The following LAD1 variants were observed in gnomAD, a reference collection of about 807,000 sequenced individuals.
The protein encoded by LAD1 is ladinin-1.
Under a neutral mutation model 54.2 loss-of-function variants are expected in LAD1, and 53 were observed. That is an observed-to-expected ratio of 0.98 (90% CI 0.78 to 1.23). The LOEUF (loss-of-function observed/expected upper bound fraction) is 1.23. LAD1 is among the 50% of genes most tolerant of loss of function. LAD1 has a pLI of 0.00. For missense variants in LAD1, 637 were observed against 653.3 expected (o/e 0.98, Z 0.27); for synonymous variants, 231 against 257.7 (o/e 0.90, Z 0.99).
Position 201,381,735 on chromosome 1 carries a change from A to T in LAD1, c.*153T>A, listed in dbSNP as rs1661964349. ...AAGGAGCTGGCTGAGTCTTGCAAAT[A>T]TTCCTGACCCCAGGGACCCTGGCCA... On this transcript the variant is annotated 3_prime_UTR_variant, in exon 10 of 10. Coordinates refer to ENST00000391967, the MANE Select transcript of LAD1 (RefSeq NM_005558.4). 1 of 844,922 alleles carries T rather than the reference A, an allele frequency of 1.2e-6. No individual in the cohort carries two copies. Among genetic ancestry groups the T allele is most frequent in the Non-Finnish European group, 2.0e-6 (1 of 496,194 alleles). The allele number at this position is 844,922 out of a possible 1,614,324, so 52.3% of individuals were successfully genotyped here. A position where few individuals can be genotyped will look rare whatever the true frequency, so the allele number is the denominator to read the frequency against.
chr1:201,387,102 T>G lies in LAD1; in HGVS notation c.259A>C (p.Ser87Arg), dbSNP rs759609920. The change falls in exon 3 of 10, where the codon AGC (serine) becomes CGC (arginine). Residue 87 changes from serine (S) to arginine (R), a missense_variant. Physicochemically the swap from Ser to Arg is moderately radical, Grantham distance 110. Transcript: ENST00000391967. ...ASKDEDEDIQ[S>R]ILRTRQERRQ... The stretch of plus-strand genomic sequence containing the variant: ...CGCTCCTGCCGTGTTCTGAGGATGC[T>G]CTGGATGTCCTCGTCCTCATCTTTG... 3 of 1,601,118 alleles carry G rather than the reference T, an allele frequency of 1.9e-6. No individual in the cohort carries two copies. Among genetic ancestry groups the G allele is most frequent in the Admixed American group, 1.7e-5 (1 of 58,068 alleles).
intron 2 of LAD1, 128 bp from the exon 3 acceptor site, chr1:201,387,306 G>T: frequency 2.2e-6 from 2 of 923,614 alleles, no homozygotes; most frequent in Non-Finnish European, 3.0e-6. Context: ...TGGCCTCCCC[G>T]GCTCACCACC....
chr1:201,395,362 A>T (rs951070886), intron 1 of LAD1, among the ~76,000 whole-genome samples: 1 of 152,240 alleles, frequency 6.6e-6, no homozygotes, highest in African/African-American at 2.4e-5. Context: ...CTTCTTGAAC[A>T]TGGTGAATAA....
At chr1:201,393,644 G>A (rs1662234472) in intron 1 of LAD1, among the ~76,000 whole-genome samples, 1 of 151,732 alleles carries the variant, frequency 6.6e-6, no homozygotes, top group African/African-American at 2.4e-5. Flanking sequence ...CACTTGGGAG[G>A]CTGAGGCAAG....
intron 2 of LAD1, among the ~76,000 whole-genome samples, chr1:201,387,791 G>T (rs1179044751): frequency 6.6e-6 from 1 of 152,176 alleles, no homozygotes; most frequent in Non-Finnish European, 1.5e-5. Flanking sequence ...CCTTCTTGGG[G>T]GACCCAAAGA....
chr1:201,399,199 G>A, intron 1 of LAD1, 70 bp downstream of exon 1: 1 of 1,263,088 alleles, frequency 7.9e-7, no homozygotes, highest in Non-Finnish European at 1.1e-6. Flanking sequence ...GGAGGCCGGT[G>A]CCCCGAGGAG....
At chr1:201,381,979 T>G in intron 9 of LAD1, 86 bp from the exon 10 acceptor site, 2 of 1,436,306 alleles carry the variant, frequency 1.4e-6, no homozygotes, top group Non-Finnish European at 1.9e-6. Flanking sequence ...AGGCATCCCT[T>G]TGCCCAAGCC....
chr1:201,389,336 G>C (rs745417246), intron 1 of LAD1, 33 bp from the exon 2 acceptor site: 3 of 1,600,480 alleles, frequency 1.9e-6, no homozygotes, highest in Admixed American at 3.3e-5. Flanking sequence ...CAGCACAGCT[G>C]GGGAAACCCA....
intron 9 of LAD1, 28 bp from the exon 10 acceptor site, chr1:201,381,921 G>A: frequency 6.2e-7 from 1 of 1,612,052 alleles, no homozygotes; most frequent in Non-Finnish European, 8.5e-7. Context: ...GTTAGCACAA[G>A]TCAATGGGGT....
In LAD1 at chr1:201,380,886, G is replaced by A. The variant is rs921875407; in HGVS notation, c.*1002C>T. The A allele has an allele frequency of 6.6e-6, 1 of 152,064 alleles. No homozygotes were observed. Among genetic ancestry groups the A allele is most frequent in the African/African-American group, 2.4e-5 (1 of 41,382 alleles). 9.4% of individuals were successfully genotyped at this position (152,064 alleles called of 1,614,324 possible). On this transcript the variant is annotated 3_prime_UTR_variant, in exon 10 of 10. Transcript: ENST00000391967. Reference sequence around the variant, plus strand: ...AAGTTGTAAACCACAGCTTTAAGGGGTTAACAGGGCACCAGGCTGATGTTC... The same window carrying A: ...AAGTTGTAAACCACAGCTTTAAGGGATTAACAGGGCACCAGGCTGATGTTC...
chr1:201,397,631 TGAAGAA>T (rs1427070749), intron 1 of LAD1, among the ~76,000 whole-genome samples: 1 of 151,892 alleles, frequency 6.6e-6, no homozygotes, highest in African/African-American at 2.4e-5. Context: ...TATGAACTTC[TGAAGAA>T]GGAGTGTCTG....
chr1:201,386,226 G>T, intron 3 of LAD1, 109 bp downstream of exon 3: 1 of 1,113,676 alleles, frequency 9.0e-7, no homozygotes, highest in African/African-American at 1.6e-5. Flanking sequence ...CAGCCTGCAG[G>T]TAGGAGGATG....
In LAD1 at chr1:201,386,955, T is replaced by C. The variant is rs1662103729; in HGVS notation, c.406A>G (p.Lys136Glu). Residue 136 changes from lysine (K) to glutamate (E), a missense_variant, in exon 3 of 10, where the codon AAG (lysine) becomes GAG (glutamate). Lys to Glu is a moderately conservative substitution (Grantham distance 56). Transcript: ENST00000391967. ...QATQKPLVSK[K>E]ELEIPPRRRL... ...CGGCGAGGTGGGATTTCCAGTTCCT[T>C]CTTGGAGACTAGGGGTTTCTGTGTG... is the stretch of plus-strand genomic sequence containing the variant. 1 of 1,610,914 alleles carries C rather than the reference T, an allele frequency of 6.2e-7. No individual in the cohort carries two copies. Among genetic ancestry groups the C allele is most frequent in the East Asian group, 2.2e-5 (1 of 44,858 alleles).
intron 5 of LAD1, 63 bp from the exon 6 acceptor site, chr1:201,383,452 C>G (rs1571719049): frequency 6.7e-7 from 1 of 1,488,230 alleles, no homozygotes; most frequent in East Asian, 2.3e-5. Context: ...AGGCCTGCCC[C>G]CAGGGCCTGA....
intron 1 of LAD1, among the ~76,000 whole-genome samples, chr1:201,392,009 C>A (rs375732884): frequency 2.0e-5 from 3 of 152,258 alleles, no homozygotes; most frequent in Admixed American, 2.0e-4. Context: ...AAACTCTCTA[C>A]CCTTTGCTGT....
At chr1:201,397,381 C>G (rs2719188) in intron 1 of LAD1, 48,838 of 152,410 alleles carry the variant, frequency 0.32, 8,874 homozygotes, top group African/African-American at 0.51. Context: ...GGAGGGCAGG[C>G]CAGGGGCCCC....
intron 5 of LAD1, among the ~76,000 whole-genome samples, chr1:201,384,457 C>T (rs1317148769): frequency 1.3e-5 from 2 of 152,172 alleles, no homozygotes; most frequent in Non-Finnish European, 2.9e-5. Context: ...GGGGCTTCCC[C>T]TCCCTTACAC....
rs762451747 is a variant in LAD1 at position 201,386,618 on chromosome 1, G to C, written c.743C>G (p.Ala248Gly). The C allele has an allele frequency of 6.2e-7, 1 of 1,614,196 alleles. No homozygotes were observed. Among genetic ancestry groups the C allele is most frequent in the Non-Finnish European group, 8.5e-7 (1 of 1,180,030 alleles). The change falls in exon 3 of 10, where the codon GCA becomes GGA. Residue 248 changes from alanine (A) to glycine (G), a missense_variant. Coordinates refer to ENST00000391967, the MANE Select transcript of LAD1 (RefSeq NM_005558.4). ...CACCAGCCTCCTTCCTGAGCCCAGT[G>C]CCATCCCTGGGGCCAGCGACTTCTC... is the stretch of plus-strand genomic sequence containing the variant. ...VSEKSLAPGM[A>G]LGSGRRLVSE... is the part of the protein sequence containing the mutation.
chr1:201,386,965 T>A lies in LAD1; in HGVS notation c.396A>T (p.Leu132=), dbSNP rs1036075765. 2.5e-6 allele frequency: 4 copies of A among 1,609,984 alleles called. No individual in the cohort carries two copies. The African/African-American group carries it at 5.4e-5, about 22-fold the overall frequency. ...GGATTTCCAGTTCCTTCTTGGAGAC[T>A]AGGGGTTTCTGTGTGGCCTGCACAG... ...LSPVQATQKP[L]VSKKELEIPP... The change falls in exon 3 of 10, where the codon CTA becomes CTT. Residue 132 remains leucine, a synonymous_variant. Coordinates refer to ENST00000391967, the MANE Select transcript of LAD1 (RefSeq NM_005558.4).
Sources: allele counts gnomAD v4.1 joint callset (sites outside exome capture counted in the v4.1 genomes callset), GRCh38; gene constraint gnomAD v4.1.1; transcripts MANE v1.5; gene names NCBI Gene and HGNC (gene_info 2026-07-23, HGNC 2026-07-21).